SYNPO: variants seen among roughly 807,000 people sequenced by gnomAD.
SYNPO encodes synaptopodin.
Under a neutral mutation model 49.5 loss-of-function variants are expected in SYNPO, and 19 were observed. The ratio of observed to expected loss-of-function variants is 0.38; its 90% CI spans 0.27 to 0.56. The LOEUF is 0.56. SYNPO is among the 20% of genes least tolerant of loss of function. The pLI is 0.68. For missense variants in SYNPO, 1,131 were observed against 1,248.3 expected (o/e 0.91, Z 1.42); for synonymous variants, 536 against 548.0 (o/e 0.98, Z 0.31).
At chr5:150,653,552 A>G (rs541590671) in intron 2 of SYNPO, 1 of 152,070 alleles carries the variant, frequency 6.6e-6, no homozygotes, top group Admixed American at 6.5e-5. Context: ...TCTAGGCCCT[A>G]CCTCCCTGCT....
chr5:150,619,153 G>A lies in SYNPO; in HGVS notation c.400+386G>A, dbSNP rs141346479. Among the ~76,000 whole-genome samples the A allele has an allele frequency of 9.9e-5, 15 of 152,278 alleles. No homozygotes were observed. The East Asian group carries it at 2.9e-3, about 29-fold the overall frequency. On this transcript the variant is annotated intron_variant, in intron 2 of 2. Transcript: ENST00000394243. Reference sequence around the variant, plus strand: ...GCAGAACCCTCTCATTAAATGGATTGAGTGCTGGCTACGTGGGGGTGCTGG... The same window carrying A: ...GCAGAACCCTCTCATTAAATGGATTAAGTGCTGGCTACGTGGGGGTGCTGG...
At chr5:150,610,478 C>A (rs1018210816) in intron 1 of SYNPO, among the ~76,000 whole-genome samples, 4 of 152,196 alleles carry the variant, frequency 2.6e-5, no homozygotes, top group African/African-American at 9.7e-5. Flanking sequence ...AATCTGTTAA[C>A]TGAGGGATAA....
At chr5:150,636,560 G>A (rs1379923245), upstream of SYNPO, among the ~76,000 whole-genome samples, 4 of 152,258 alleles carry the variant, frequency 2.6e-5, no homozygotes, top group Non-Finnish European at 4.4e-5. Flanking sequence ...ATAATTTGAG[G>A]GAAACATGGA....
chr5:150,631,615 T>C (rs1757540863), intron 2 of SYNPO, among the ~76,000 whole-genome samples: 4 of 151,972 alleles, frequency 2.6e-5, no homozygotes, highest in Admixed American at 1.3e-4. Flanking sequence ...AGGCGGATCA[T>C]AGGAAAGAGG....
chr5:150,588,186 A>G, the SYNPO span, among the ~76,000 whole-genome samples: 1 of 151,722 alleles, frequency 6.6e-6, no homozygotes, highest in South Asian at 2.1e-4. Context: ...AGCTTCTGGG[A>G]CCTCCCATTC....
chr5:150,641,155 G>C lies in SYNPO; in HGVS notation c.-333+301G>C, dbSNP rs1394466472. Among the ~76,000 whole-genome samples, 6 of 152,234 alleles carry C rather than the reference G, an allele frequency of 3.9e-5. No individual in the cohort carries two copies. In the East Asian group the frequency reaches 1.2e-3, roughly 29 times the overall value. ...TGCGCTCGCCATGACTCTGGGGATG[G>C]AGAATTCTCCAGGGCATGGAGCCTG... On this transcript the variant is annotated intron_variant, in intron 1 of 2. Coordinates refer to ENST00000307662, the MANE Select transcript of SYNPO (RefSeq NM_007286.6).
At chr5:150,609,790 G>GGA (rs1008507256) in intron 1 of SYNPO, among the ~76,000 whole-genome samples, 1 of 151,640 alleles carries the variant, frequency 6.6e-6, no homozygotes, top group East Asian at 1.9e-4. Context: ...ATGTGGCGGG[G>GGA]GGGGGCAGTG....
intron 2 of SYNPO, among the ~76,000 whole-genome samples, chr5:150,623,378 C>T (rs533992003): frequency 1.3e-5 from 2 of 152,032 alleles, no homozygotes; most frequent in Admixed American, 1.3e-4. Context: ...GCAATCCTAG[C>T]CTCTCTCTCT....
intron 1 of SYNPO, among the ~76,000 whole-genome samples, chr5:150,644,286 C>T (rs1758013230): frequency 6.6e-6 from 1 of 152,002 alleles, no homozygotes. Flanking sequence ...CTGAGTATGT[C>T]AGCAGAGACT....
upstream of SYNPO, among the ~76,000 whole-genome samples, chr5:150,638,509 G>A (rs907949181): frequency 1.3e-5 from 2 of 152,226 alleles, no homozygotes; most frequent in African/African-American, 4.8e-5. Flanking sequence ...TTCTGGAAGT[G>A]CTTGTCCTTT....
At chr5:150,645,641 A>C (rs1758062779) in intron 1 of SYNPO, among the ~76,000 whole-genome samples, 1 of 152,160 alleles carries the variant, frequency 6.6e-6, no homozygotes, top group Admixed American at 6.5e-5. Context: ...CTTATGTCCC[A>C]AAGAGACCTT....
At chr5:150,622,940 T>TCATGCAAACCATCTTCC (rs1435699310) in intron 2 of SYNPO, among the ~76,000 whole-genome samples, 1 of 152,222 alleles carries the variant, frequency 6.6e-6, no homozygotes, top group Non-Finnish European at 1.5e-5. Flanking sequence ...TGCCATGTTC[T>TCATGCAAACCATCTTCC]CATGCAAACC....
intron 2 of SYNPO, chr5:150,625,042 T>A: frequency 3.3e-6 from 3 of 911,872 alleles, no homozygotes; most frequent in Non-Finnish European, 3.9e-6. Context: ...GGGGTGACCT[T>A]GGCCAAGTCG....
intron 1 of SYNPO, among the ~76,000 whole-genome samples, chr5:150,645,772 C>T (rs1412772057): frequency 1.3e-5 from 2 of 152,192 alleles, no homozygotes; most frequent in Admixed American, 6.5e-5. Context: ...TCTGAACCTC[C>T]GTTTCTTCTT....
chr5:150,656,763 G>GC lies in SYNPO; in HGVS notation c.2393dup (p.Pro799AlafsTer72), dbSNP rs1758578321. The GC allele has an allele frequency of 4.2e-6, 1 of 235,760 alleles. No homozygotes were observed. The highest frequency in any genetic ancestry group is 1.9e-4 in the Admixed American group (1 of 5,332). The allele number at this position is 235,760 out of a possible 1,614,324, so 14.6% of individuals were successfully genotyped here. On this transcript the variant is annotated frameshift_variant, in exon 3 of 3. Coordinates refer to ENST00000307662, the MANE Select transcript of SYNPO (RefSeq NM_007286.6). LOFTEE classifies it low-confidence loss of function (END_TRUNC). ...CGCCACCGCCCCCGCCCCCGCCCCC[G>GC]CCCCCGCCCCCGCGCATGCGCTCGC...
At chr5:150,620,992 G>T (rs1233739875) in intron 2 of SYNPO, among the ~76,000 whole-genome samples, 1 of 117,436 alleles carries the variant, frequency 8.5e-6, no homozygotes, top group Admixed American at 1.1e-4. Context: ...TTGCTCTGTC[G>T]CCCAGGCTGG....
intron 2 of SYNPO, chr5:150,652,023 G>A: frequency 5.0e-6 from 5 of 1,000,570 alleles, no homozygotes; most frequent in Non-Finnish European, 4.8e-6. Flanking sequence ...GGTGGAGGCA[G>A]TGCCCATGCT....
intron 1 of SYNPO, among the ~76,000 whole-genome samples, chr5:150,644,744 C>T (rs991921980): frequency 2.0e-5 from 3 of 152,214 alleles, no homozygotes; most frequent in African/African-American, 7.2e-5. Context: ...ACAGACACAG[C>T]ATGAGCTGAG....
intron 2 of SYNPO, chr5:150,618,856 C>T: frequency 6.8e-7 from 1 of 1,477,124 alleles, no homozygotes; most frequent in Non-Finnish European, 9.2e-7. Flanking sequence ...CATATTTTTC[C>T]ATGATCCACA....
Sources: gnomAD v4.1 joint callset for allele counts (sites outside exome capture counted in the v4.1 genomes callset) on GRCh38, gnomAD v4.1.1 for gene constraint, MANE v1.5 for transcripts, NCBI Gene and HGNC (gene_info 2026-07-23, HGNC 2026-07-21) for gene names.